PRKAG2: variants seen among roughly 807,000 people sequenced by gnomAD.
PRKAG2 encodes protein kinase AMP-activated non-catalytic subunit gamma 2, also known as 5'-AMP-activated protein kinase subunit gamma-2.
A neutral mutation model predicts 69.6 loss-of-function variants in PRKAG2; 26 were observed. That is an observed-to-expected ratio of 0.37 (90% CI 0.27 to 0.52). The LOEUF (loss-of-function observed/expected upper bound fraction) is 0.52. PRKAG2 is among the 20% of genes least tolerant of loss of function. The pLI, the probability that PRKAG2 is intolerant of heterozygous loss-of-function variation, is 0.90. For synonymous variants in PRKAG2, 293 were observed against 285.0 expected (o/e 1.03, Z -0.28); for missense variants, 557 against 740.0 (o/e 0.75, Z 2.87).
intron 1 of PRKAG2, among the ~76,000 whole-genome samples, chr7:151,859,584 G>A (rs2079867717): frequency 6.6e-6 from 1 of 152,332 alleles, no homozygotes; most frequent in Non-Finnish European, 1.5e-5. Flanking sequence ...GTGGAGGTGA[G>A]TAATCTGGCG....
In PRKAG2 at chr7:151,565,596, C is replaced by T. The variant is rs1806061300; in HGVS notation, c.1399+124G>A. On this transcript the variant is annotated intron_variant, in intron 12 of 15. Transcript: ENST00000287878. ...TTACGATCCTGCGTGCCCCTTGGTG[C>T]TGAATTTATTCACCATACCCAAGTT... 7 of 1,352,378 alleles carry T rather than the reference C, an allele frequency of 5.2e-6. No homozygotes were observed. In the African/African-American group the frequency reaches 5.8e-5, roughly 11 times the overall value. 83.8% of individuals were successfully genotyped at this position (1,352,378 alleles called of 1,614,324 possible). A position where few individuals can be genotyped will look rare whatever the true frequency, so the allele number is the denominator to read the frequency against.
At chr7:151,680,306 G>A (rs1833655826) in intron 3 of PRKAG2, among the ~76,000 whole-genome samples, 1 of 152,164 alleles carries the variant, frequency 6.6e-6, no homozygotes, top group Admixed American at 6.5e-5. Flanking sequence ...GAGACGCAGA[G>A]GCTCGTCAAG....
chr7:151,564,882 T>G (rs1003626833), intron 13 of PRKAG2, among the ~76,000 whole-genome samples: 1 of 152,050 alleles, frequency 6.6e-6, no homozygotes, highest in Non-Finnish European at 1.5e-5. Context: ...GTGGGGTCAG[T>G]ATTGTGGCAA....
At chr7:151,744,898 C>G (rs1284890598) in intron 3 of PRKAG2, among the ~76,000 whole-genome samples, 1 of 152,182 alleles carries the variant, frequency 6.6e-6, no homozygotes, top group African/African-American at 2.4e-5. Context: ...CAGTTTCCTA[C>G]ATTCTTCTCA....
intron 5 of PRKAG2, among the ~76,000 whole-genome samples, chr7:151,607,555 T>G (rs1474747902): frequency 6.6e-6 from 1 of 152,180 alleles, no homozygotes; most frequent in Non-Finnish European, 1.5e-5. Context: ...CATGAGTCAC[T>G]GTGCCTGGCT....
intron 1 of PRKAG2, among the ~76,000 whole-genome samples, chr7:151,841,102 C>T (rs1563745328): frequency 6.6e-6 from 1 of 152,242 alleles, no homozygotes; most frequent in East Asian, 1.9e-4. Context: ...AATTCTCTCA[C>T]CCTGCCTCCT....
chr7:151,685,457 T>G (rs983162037), intron 3 of PRKAG2, among the ~76,000 whole-genome samples: 6 of 152,230 alleles, frequency 3.9e-5, no homozygotes, highest in African/African-American at 1.4e-4. Context: ...AATTAATGTT[T>G]AAAATTTTCT....
At chr7:151,751,485 T>C (rs1470231794) in intron 3 of PRKAG2, among the ~76,000 whole-genome samples, 3 of 150,380 alleles carry the variant, frequency 2.0e-5, no homozygotes, top group African/African-American at 7.4e-5. Flanking sequence ...TTTATTTCAT[T>C]GAACTACTCT....
chr7:151,662,020 C>T (rs147337670), intron 4 of PRKAG2, among the ~76,000 whole-genome samples: 3 of 152,176 alleles, frequency 2.0e-5, no homozygotes, highest in African/African-American at 4.8e-5. Flanking sequence ...TAAATAGGTA[C>T]AGTAATTTTT....
chr7:151,832,229 A>AGGAGGGG lies in PRKAG2; in HGVS notation c.114+44277_114+44278insCCCCTCC, dbSNP rs2079043531. ...AGGGAGGAAGAGGAGGGGAGGAGGGAAGGAGAGGAGGAGGGAAGGAAGGGA... is the reference window on the plus strand; with the variant it reads ...AGGGAGGAAGAGGAGGGGAGGAGGGAGGAGGGGAGGAGAGGAGGAGGGAAGGAAGGGA... On this transcript the variant is annotated intron_variant, in intron 1 of 15. Coordinates refer to ENST00000287878, the MANE Select transcript of PRKAG2 (RefSeq NM_016203.4). Among the ~76,000 whole-genome samples the AGGAGGGG allele has an allele frequency of 6.4e-3, 297 of 46,098 alleles. 2 individuals are homozygous for AGGAGGGG. Among genetic ancestry groups the AGGAGGGG allele is most frequent in the African/African-American group, 0.016 (250 of 15,248 alleles). 30.2% of individuals were successfully genotyped at this position (46,098 alleles called of 152,430 possible).
At chr7:151,646,060 A>G (rs191214492) in intron 4 of PRKAG2, among the ~76,000 whole-genome samples, 167 of 152,318 alleles carry the variant, frequency 1.1e-3, no homozygotes, top group African/African-American at 3.8e-3. Flanking sequence ...ATTGATTTAT[A>G]TCTATACTTT....
intron 4 of PRKAG2, among the ~76,000 whole-genome samples, chr7:151,643,077 A>C (rs931158208): frequency 6.6e-6 from 1 of 152,246 alleles, no homozygotes; most frequent in African/African-American, 2.4e-5. Flanking sequence ...ACAGTCTGAA[A>C]TGCATACATC....
At chr7:151,644,322 A>G (rs997929799) in intron 4 of PRKAG2, among the ~76,000 whole-genome samples, 1 of 152,206 alleles carries the variant, frequency 6.6e-6, no homozygotes, top group Admixed American at 6.5e-5. Context: ...TATCACTCCA[A>G]AAGTTTGCTC....
At chr7:151,616,323 C>T (rs1268245070) in intron 5 of PRKAG2, among the ~76,000 whole-genome samples, 1 of 152,200 alleles carries the variant, frequency 6.6e-6, no homozygotes, top group Non-Finnish European at 1.5e-5. Flanking sequence ...CACATGCACA[C>T]ACACTCATAC....
At position 151,850,974 on chromosome 7, in the gene PRKAG2, C is replaced by A; in HGVS notation, c.114+25533G>T. On this transcript the variant is annotated intron_variant, in intron 1 of 15. Transcript: ENST00000287878. The surrounding 1 kb of genome is among the most constrained non-coding windows in gnomAD (Gnocchi z 4.1). Reference sequence around the variant, plus strand: ...CACGGCCCACAGGGGTACCCCTGCTCCCCAACCCGCAAATGGGTGGTGAGA... The same window carrying A: ...CACGGCCCACAGGGGTACCCCTGCTACCCAACCCGCAAATGGGTGGTGAGA... Among the ~76,000 whole-genome samples, 1 of 152,258 alleles carries A rather than the reference C, an allele frequency of 6.6e-6. No individual in the cohort carries two copies. Among genetic ancestry groups the A allele is most frequent in the South Asian group, 2.1e-4 (1 of 4,816 alleles).
intron 3 of PRKAG2, among the ~76,000 whole-genome samples, chr7:151,729,032 T>C (rs1436874322): frequency 6.6e-6 from 1 of 152,014 alleles, no homozygotes; most frequent in African/African-American, 2.4e-5. Flanking sequence ...CCGGGAGTCC[T>C]CGGGGAGCAG....
intron 1 of PRKAG2, among the ~76,000 whole-genome samples, chr7:151,841,237 C>T (rs1198543105): frequency 1.3e-5 from 2 of 152,230 alleles, no homozygotes; most frequent in African/African-American, 4.8e-5. Flanking sequence ...ATCCTCCCAT[C>T]TCAGCCTCCC....
At chr7:151,602,452 G>A (rs1219277716) in intron 5 of PRKAG2, among the ~76,000 whole-genome samples, 1 of 152,070 alleles carries the variant, frequency 6.6e-6, no homozygotes, top group Non-Finnish European at 1.5e-5. Context: ...AATAATATAG[G>A]GCAGGAATGT....
intron 4 of PRKAG2, among the ~76,000 whole-genome samples, chr7:151,640,167 C>T (rs944076796): frequency 6.6e-6 from 1 of 151,924 alleles, no homozygotes; most frequent in Non-Finnish European, 1.5e-5. Context: ...AAAAATTAGC[C>T]GGGTATGGGG....
Sources: allele counts gnomAD v4.1 joint callset (sites outside exome capture counted in the v4.1 genomes callset), GRCh38; gene constraint gnomAD v4.1.1; non-coding constraint Gnocchi (gnomAD v3.1); transcripts MANE v1.5; gene names NCBI Gene and HGNC (gene_info 2026-07-23, HGNC 2026-07-21).